NACC1: variants seen among roughly 807,000 people sequenced by gnomAD.
NACC1 encodes the protein nucleus accumbens-associated protein 1.
In NACC1, 6 loss-of-function variants were observed where a neutral mutation model predicts 41.7. That is an observed-to-expected ratio of 0.14 (90% CI 0.08 to 0.28). NACC1 has a LOEUF of 0.28. NACC1 is among the 10% of genes least tolerant of loss of function. The probability of loss-of-function intolerance (pLI) is 1.00; values close to 1 mark genes in which losing one functional copy is unlikely to be tolerated. For synonymous variants in NACC1, 338 were observed against 330.6 expected (o/e 1.02, Z -0.24); for missense variants, 434 against 763.7 (o/e 0.57, Z 5.09).
intron 1 of NACC1, among the ~76,000 whole-genome samples, chr19:13,126,442 C>T (rs761958093): frequency 3.3e-5 from 5 of 152,176 alleles, no homozygotes; most frequent in Non-Finnish European, 5.9e-5. Flanking sequence ...CATCTGTCGA[C>T]GGCCATGTCA....
Position 13,136,464 on chromosome 19 carries a change from G to T in NACC1, c.1120+59G>T. ...GCAGCTTTGGAGCCGGCTGGCCTGG[G>T]CTGGGCTGGGCAGCTGGTTAGGAGC... On this transcript the variant is annotated intron_variant, in intron 3 of 5. Coordinates refer to ENST00000292431, the MANE Select transcript of NACC1 (RefSeq NM_052876.4). The surrounding 1 kb of genome is among the most constrained non-coding windows in gnomAD (Gnocchi z 5.5). 6.5e-7 allele frequency: 1 copy of T among 1,535,074 alleles called. No individual in the cohort carries two copies. Among genetic ancestry groups the T allele is most frequent in the Non-Finnish European group, 8.8e-7 (1 of 1,141,966 alleles).
At position 13,135,984 on chromosome 19, in the gene NACC1, G is replaced by C. The variant is rs1020775632; in HGVS notation, c.777G>C (p.Ser259=). ...AGGVVSGPST[S]ERTSPGTSSA... is the part of the protein sequence containing the mutation. ...GTGTGGTGAGTGGGCCCAGCACGTC[G>C]GAGCGGACCAGCCCAGGCACCTCAA... Residue 259 remains serine, a synonymous_variant, in exon 2 of 6, where the codon TCG becomes TCC. Coordinates refer to ENST00000292431, the MANE Select transcript of NACC1 (RefSeq NM_052876.4). 1 of 1,611,144 alleles carries C rather than the reference G, an allele frequency of 6.2e-7. No individual in the cohort carries two copies. Among genetic ancestry groups the C allele is most frequent in the African/African-American group, 1.3e-5 (1 of 74,892 alleles).
chr19:13,118,872 G>T (rs921530188), intron 1 of NACC1, among the ~76,000 whole-genome samples: 3 of 149,310 alleles, frequency 2.0e-5, no homozygotes, highest in Non-Finnish European at 3.0e-5. Flanking sequence ...GCGGCCGGAG[G>T]GGGGCGGGGA....
At chr19:13,118,139 G>A (rs2019419348), upstream of NACC1, 1 of 152,056 alleles carries the variant, frequency 6.6e-6, no homozygotes, top group South Asian at 2.1e-4. Context: ...CCGGTTAGAA[G>A]GGGCGCGCTC....
intron 1 of NACC1, among the ~76,000 whole-genome samples, chr19:13,133,724 G>A (rs1406357275): frequency 1.3e-5 from 2 of 152,208 alleles, no homozygotes; most frequent in Non-Finnish European, 2.9e-5. Context: ...GAATAATGCT[G>A]CTGTGAACGT....
At position 13,136,011 on chromosome 19, in the gene NACC1, C is replaced by T. The variant is rs951420950; in HGVS notation, c.804C>T (p.Ser268=). The T allele has an allele frequency of 2.1e-5, 34 of 1,613,412 alleles. No individual in the cohort carries two copies. Among genetic ancestry groups the T allele is most frequent in the Non-Finnish European group, 2.5e-5 (29 of 1,179,812 alleles). The change falls in exon 2 of 6, where the codon AGC becomes AGT. Residue 268 remains serine, a synonymous_variant. Transcript: ENST00000292431. This position sits in a 1 kb window ranked among gnomAD's most constrained non-coding sequence, Gnocchi z 5.5. ...TSERTSPGTS[S]AYTSDSPGSY... ...AGCGGACCAGCCCAGGCACCTCAAG[C>T]GCCTACACCAGCGACAGCCCTGGCT...
intron 1 of NACC1, among the ~76,000 whole-genome samples, chr19:13,122,630 G>A (rs755416465): frequency 1.3e-5 from 2 of 151,694 alleles, no homozygotes; most frequent in East Asian, 1.9e-4. Flanking sequence ...AATGATTGAC[G>A]CAAATGCAGT....
rs780595031 is a variant in NACC1, at chr19:13,135,188, C to CA, written c.-8-12_-8-11insA. 2.6e-6 allele frequency: 4 copies of CA among 1,561,322 alleles called. No individual in the cohort carries two copies. In the Admixed American group the frequency reaches 7.4e-5, roughly 29 times the overall value. ...GTCTCTGTCTCTCCATTCCTCCCTGCCCCTCGTGCAGCCGCTGCCATGGCC... is the reference window on the plus strand; with the variant it reads ...GTCTCTGTCTCTCCATTCCTCCCTGCACCCTCGTGCAGCCGCTGCCATGGCC... On this transcript the variant is annotated splice_polypyrimidine_tract_variant and intron_variant, in intron 1 of 5. Coordinates refer to ENST00000292431, the MANE Select transcript of NACC1 (RefSeq NM_052876.4).
intron 1 of NACC1, among the ~76,000 whole-genome samples, chr19:13,122,697 C>T (rs1279049024): frequency 1.3e-5 from 2 of 152,110 alleles, no homozygotes; most frequent in Admixed American, 6.6e-5. Context: ...GAGAGGTTGG[C>T]GTCTGGGGTG....
At chr19:13,124,370 A>G (rs1244645753) in intron 1 of NACC1, among the ~76,000 whole-genome samples, 1 of 152,148 alleles carries the variant, frequency 6.6e-6, no homozygotes, top group Middle Eastern at 3.2e-3. Flanking sequence ...ACTGTACTCC[A>G]GCCTGGGCGA....
intron 1 of NACC1, among the ~76,000 whole-genome samples, chr19:13,130,048 A>G (rs1305379773): frequency 6.6e-6 from 1 of 151,634 alleles, no homozygotes; most frequent in Non-Finnish European, 1.5e-5. Flanking sequence ...TTGGTGGGGT[A>G]GTGGGGTCGG....
chr19:13,116,982 G>C (rs2019392716), upstream of NACC1: 1 of 160,394 alleles, frequency 6.2e-6, no homozygotes, highest in Admixed American at 5.8e-5. Context: ...TGTGTTCTGG[G>C]TGCTATATAC....
At position 13,138,636 on chromosome 19, in the gene NACC1, C is replaced by T. The variant is rs747859479; in HGVS notation, c.*230C>T. The T allele has an allele frequency of 4.2e-4, 257 of 604,712 alleles. No homozygotes were observed. The highest frequency in any genetic ancestry group is 2.9e-4 in the Non-Finnish European group (102 of 347,614). The allele number at this position is 604,712 out of a possible 1,614,324, so 37.5% of individuals were successfully genotyped here. On this transcript the variant is annotated 3_prime_UTR_variant, in exon 6 of 6. Coordinates refer to ENST00000292431, the MANE Select transcript of NACC1 (RefSeq NM_052876.4). This position sits in a 1 kb window ranked among gnomAD's most constrained non-coding sequence, Gnocchi z 5.7. ...CGTGTTGCCTTCTTTAACACACACT[C>T]GTGCAGTGGGGGAGTTCTGGCTCCC...
Position 13,138,545 on chromosome 19 carries a change from G to A in NACC1, c.*139G>A. 1 of 1,294,416 alleles carries A rather than the reference G, an allele frequency of 7.7e-7. No homozygotes were observed. Among genetic ancestry groups the A allele is most frequent in the Non-Finnish European group, 1.0e-6 (1 of 954,924 alleles). 80.2% of individuals were successfully genotyped at this position (1,294,416 alleles called of 1,614,324 possible). A position where few individuals can be genotyped will look rare whatever the true frequency, so the allele number is the denominator to read the frequency against. On this transcript the variant is annotated 3_prime_UTR_variant, in exon 6 of 6. Transcript: ENST00000292431. This position sits in a 1 kb window ranked among gnomAD's most constrained non-coding sequence, Gnocchi z 5.7. ...ATGTTCCCGGCCCTCTGCCCCTCCT[G>A]TCCTACCCCCTTTCCCCACCGAGAG... is the stretch of plus-strand genomic sequence containing the variant.
chr19:13,127,112 AAG>A (rs1447150781), intron 1 of NACC1, among the ~76,000 whole-genome samples: 7 of 151,684 alleles, frequency 4.6e-5, no homozygotes, highest in Non-Finnish European at 2.9e-5. Flanking sequence ...TTTTTAGAAA[AAG>A]AAAAATGGCC....
intron 1 of NACC1, among the ~76,000 whole-genome samples, chr19:13,127,368 A>G (rs1330705416): frequency 1.2e-5 from 1 of 81,438 alleles, no homozygotes; most frequent in Non-Finnish European, 2.3e-5. Context: ...ACATATACAT[A>G]TACTTTTTTT....
In NACC1 at chr19:13,118,332, C is replaced by T. The variant is rs1423255215; in HGVS notation, c.-131C>T. The T allele has an allele frequency of 6.8e-6, 1 of 146,028 alleles. No homozygotes were observed. Among genetic ancestry groups the T allele is most frequent in the Non-Finnish European group, 1.5e-5 (1 of 65,648 alleles). 9.0% of individuals were successfully genotyped at this position (146,028 alleles called of 1,614,324 possible). A position where few individuals can be genotyped will look rare whatever the true frequency, so the allele number is the denominator to read the frequency against. ...CTGCCGCTGCTGCTGAGGCGGAGGC[C>T]GCGGAGGCCGCGGAGGCGGAGGCCG... On this transcript the variant is annotated 5_prime_UTR_variant, in exon 1 of 6. Transcript: ENST00000292431.
intron 1 of NACC1, among the ~76,000 whole-genome samples, chr19:13,130,319 C>T (rs1696275528): frequency 6.6e-6 from 1 of 152,234 alleles, no homozygotes; most frequent in East Asian, 1.9e-4. Context: ...TTCAGGGGCT[C>T]CTCCTGCTTC....
chr19:13,123,667 A>G (rs1421563564), intron 1 of NACC1, among the ~76,000 whole-genome samples: 1 of 152,222 alleles, frequency 6.6e-6, no homozygotes, highest in African/African-American at 2.4e-5. Flanking sequence ...GGACACATCC[A>G]GTAGCTCAGG....
Sources: allele counts gnomAD v4.1 joint callset (sites outside exome capture counted in the v4.1 genomes callset), GRCh38; gene constraint gnomAD v4.1.1; non-coding constraint Gnocchi (gnomAD v3.1); transcripts MANE v1.5; gene names NCBI Gene and HGNC (gene_info 2026-07-23, HGNC 2026-07-21).